VPS35L: variants seen among roughly 807,000 people sequenced by gnomAD.
VPS35L encodes VPS35 endosomal protein-sorting factor-like.
A neutral mutation model predicts 133.0 loss-of-function variants in VPS35L; 83 were observed. The ratio of observed to expected loss-of-function variants is 0.62; its 90% CI spans 0.52 to 0.75. The LOEUF (loss-of-function observed/expected upper bound fraction) is 0.75, where lower values mean the gene tolerates loss of function less well. VPS35L is among the 30% of genes least tolerant of loss of function. The probability of loss-of-function intolerance (pLI) is 0.00; values close to 1 mark genes in which losing one functional copy is unlikely to be tolerated. For synonymous variants in VPS35L, 423 were observed against 449.9 expected, an observed-to-expected ratio of 0.94 and a Z score of 0.76; for missense variants, 1,083 against 1,206.8, an observed-to-expected ratio of 0.90 and a Z score of 1.52.
At chr16:19,570,837 A>ATATATATATATATATATG in intron 3 of VPS35L, among the ~76,000 whole-genome samples, 1 of 1,812 alleles carries the variant, frequency 5.5e-4, no homozygotes, top group South Asian at 0.013. Flanking sequence ...TGTGTTTCAT[A>ATATATATATATATATATG]TATATATATA....
At chr16:19,674,184 C>CTTTCTTTTTTTTTTTT (rs764022611) in intron 27 of VPS35L, among the ~76,000 whole-genome samples, 21 of 70,910 alleles carry the variant, frequency 3.0e-4, no homozygotes, top group African/African-American at 8.7e-4. Context: ...TTTTCTTTTT[C>CTTTCTTTTTTTTTTTT]TTTTTTTTTT....
chr16:19,576,919 C>T (rs1224436456), intron 5 of VPS35L, among the ~76,000 whole-genome samples: 1 of 152,190 alleles, frequency 6.6e-6, no homozygotes, highest in East Asian at 1.9e-4. Context: ...GTTGGCCAGG[C>T]TGGTCTCAAA....
At chr16:19,584,221 G>C (rs990123793) in intron 7 of VPS35L, among the ~76,000 whole-genome samples, 12 of 152,294 alleles carry the variant, frequency 7.9e-5, no homozygotes, top group Admixed American at 2.0e-4. Flanking sequence ...TGATAACCTA[G>C]TTGTGGGATT....
In VPS35L at chr16:19,616,785, T is replaced by C. The variant is rs778903796; in HGVS notation, c.1201T>C (p.Cys401Arg). The change falls in exon 14 of 31, where the codon TGC becomes CGC. Residue 401 changes from cysteine to arginine, a missense_variant. Transcript: ENST00000417362. ...GCCTGCCATGGACTGGATCTTCCAGTGCATCTCCTACCATGCCCCCGAGGT... is the reference window on the plus strand; with the variant it reads ...GCCTGCCATGGACTGGATCTTCCAGCGCATCTCCTACCATGCCCCCGAGGT... ...YPPAMDWIFQ[C>R]ISYHAPEALL... The C allele has an allele frequency of 6.2e-7, 1 of 1,614,054 alleles. No individual in the cohort carries two copies. The highest frequency in any genetic ancestry group is 1.3e-5 in the African/African-American group (1 of 74,926).
chr16:19,690,417 C>T (rs575997659), intron 28 of VPS35L, among the ~76,000 whole-genome samples: 4 of 152,278 alleles, frequency 2.6e-5, no homozygotes, highest in South Asian at 2.1e-4. Flanking sequence ...TGTCACAGGA[C>T]GAGACCCAGC....
Position 19,581,622 on chromosome 16 carries a change from A to G in VPS35L, c.608A>G (p.Gln203Arg). The stretch of plus-strand genomic sequence containing the variant: ...CTGAAGGATGCCTGGGCCTCAGACC[A>G]GAAAGTGAAGGCTCTAAAAATAGTC... ...QSLKDAWASD[Q>R]KVKALKIVIQ... Residue 203 changes from glutamine (Q) to arginine (R), a missense_variant, in exon 7 of 31, where the codon CAG (glutamine) becomes CGG (arginine). Gln to Arg is a conservative substitution (Grantham distance 43). Coordinates refer to ENST00000417362, the MANE Select transcript of VPS35L (RefSeq NM_020314.7). 6.2e-7 allele frequency: 1 copy of G among 1,614,204 alleles called. No individual in the cohort carries two copies. The highest frequency in any genetic ancestry group is 8.5e-7 in the Non-Finnish European group (1 of 1,180,030).
In VPS35L at chr16:19,675,939, T is replaced by C. The variant is rs140619510; in HGVS notation, c.2362-6286T>C. 2.4e-3 allele frequency among the ~76,000 whole-genome samples: 359 copies of C among 152,250 alleles called. 2 individuals carry two copies. Among genetic ancestry groups the C allele is most frequent in the African/African-American group, 7.9e-3 (330 of 41,556 alleles). On this transcript the variant is annotated intron_variant, in intron 27 of 30. Transcript: ENST00000417362. ...TTAAAGGATGGGTTTGAAAGTTTGA[T>C]TCATTTTATTTGTTTAGAAAAGATA...
At chr16:19,562,936 T>C (rs1050615693) in intron 1 of VPS35L, among the ~76,000 whole-genome samples, 1 of 151,968 alleles carries the variant, frequency 6.6e-6, no homozygotes, top group Admixed American at 6.6e-5. Flanking sequence ...TTTATTTATT[T>C]ATTTATTTTG....
intron 2 of VPS35L, among the ~76,000 whole-genome samples, chr16:19,568,259 G>A (rs141205984): frequency 6.4e-4 from 97 of 151,806 alleles, no homozygotes; most frequent in African/African-American, 2.0e-3. Context: ...CAGGTACCTC[G>A]ATGTGTTCTT....
rs773402984 is a variant in VPS35L at position 19,610,344 on chromosome 16, C to T, written c.952C>T (p.Arg318Trp). 15 of 1,613,882 alleles carry T rather than the reference C, an allele frequency of 9.3e-6. No individual in the cohort carries two copies. The highest frequency in any genetic ancestry group is 3.3e-5 in the Admixed American group (2 of 59,986). ...SKTGISECLPRLTCMIRGIGD... is the reference protein window; with the variant it reads ...SKTGISECLPWLTCMIRGIGD... Reference sequence around the variant, plus strand: ...CAGGGGAATTTCAGAGTGCCTGCCCCGGTTGACATGCATGATCAGAGGGAT... The same window carrying T: ...CAGGGGAATTTCAGAGTGCCTGCCCTGGTTGACATGCATGATCAGAGGGAT... Residue 318 changes from arginine (R) to tryptophan (W), a missense_variant, in exon 12 of 31, where the codon CGG (arginine) becomes TGG (tryptophan). Transcript: ENST00000417362.
chr16:19,693,551 T>C (rs931634103), intron 29 of VPS35L, among the ~76,000 whole-genome samples: 3 of 151,844 alleles, frequency 2.0e-5, no homozygotes, highest in East Asian at 1.9e-4. Context: ...GAGGCTGAGG[T>C]GGGCGGATCA....
chr16:19,661,743 C>A (rs977979067), intron 26 of VPS35L, among the ~76,000 whole-genome samples: 7 of 152,150 alleles, frequency 4.6e-5, no homozygotes, highest in Non-Finnish European at 1.0e-4. Flanking sequence ...GTGTATCACC[C>A]CTCAGCTTGG....
intron 12 of VPS35L, among the ~76,000 whole-genome samples, chr16:19,610,811 G>A (rs1251352299): frequency 6.6e-6 from 1 of 152,070 alleles, no homozygotes; most frequent in Non-Finnish European, 1.5e-5. Context: ...CTGCTTGGCA[G>A]GGGAGCAGTG....
chr16:19,587,175 C>T (rs1275283142), intron 7 of VPS35L, among the ~76,000 whole-genome samples: 1 of 152,126 alleles, frequency 6.6e-6, no homozygotes, highest in East Asian at 1.9e-4. Context: ...CTGACAGGAA[C>T]AGCAAGGGGG....
chr16:19,605,610 C>G (rs774295391), intron 9 of VPS35L, among the ~76,000 whole-genome samples: 1 of 152,204 alleles, frequency 6.6e-6, no homozygotes, highest in Non-Finnish European at 1.5e-5. Flanking sequence ...TGTTTTCTTT[C>G]CCTGGAATAT....
chr16:19,580,864 A>G (rs1444508118), intron 6 of VPS35L, among the ~76,000 whole-genome samples: 1 of 152,042 alleles, frequency 6.6e-6, no homozygotes, highest in East Asian at 1.9e-4. Flanking sequence ...TCACATTTGA[A>G]TATCTCTGAA....
In VPS35L at chr16:19,667,978, G is replaced by A. The variant is rs542825730; in HGVS notation, c.2222-1182G>A. ...GAGCAGAGCTAACTTGACTCAGAAA[G>A]CTTTACAAGGAGTGTCTTTCTGTGA... On this transcript the variant is annotated intron_variant, in intron 26 of 30. Coordinates refer to ENST00000417362, the MANE Select transcript of VPS35L (RefSeq NM_020314.7). Among the ~76,000 whole-genome samples the A allele has an allele frequency of 6.8e-4, 104 of 152,238 alleles. 4 individuals carry two copies. The South Asian group carries it at 0.021, about 30-fold the overall frequency.
intron 1 of VPS35L, among the ~76,000 whole-genome samples, chr16:19,562,701 A>G (rs1376020798): frequency 1.3e-5 from 2 of 152,150 alleles, no homozygotes; most frequent in African/African-American, 4.8e-5. Flanking sequence ...TGTAAAGACA[A>G]TCATTTAAAA....
At chr16:19,644,532 C>A (rs1973879765) in intron 22 of VPS35L, among the ~76,000 whole-genome samples, 1 of 152,222 alleles carries the variant, frequency 6.6e-6, no homozygotes, top group South Asian at 2.1e-4. Context: ...ACCAGCACAC[C>A]CCGCTGGAGA....
Sources: allele counts gnomAD v4.1 joint callset (sites outside exome capture counted in the v4.1 genomes callset), GRCh38; gene constraint gnomAD v4.1.1; transcripts MANE v1.5; gene names NCBI Gene and HGNC (gene_info 2026-07-23, HGNC 2026-07-21).